Variants in CHD6 observed in about 807,000 individuals in gnomAD.
CHD6 encodes the protein ATP-dependent chromatin remodeler CHD6.
CHD6 carries 50 observed loss-of-function variants against 276.9 expected under a neutral mutation model. The ratio of observed to expected loss-of-function variants is 0.18; its 90% CI spans 0.14 to 0.23. The LOEUF (loss-of-function observed/expected upper bound fraction) is 0.23. Ranked by LOEUF, CHD6 falls within the 10% of genes least tolerant of loss-of-function variation. The pLI is 1.00. For synonymous variants in CHD6, 1,173 were observed against 1,229.3 expected, an observed-to-expected ratio of 0.95 and a Z score of 0.96; for missense variants, 2,564 against 3,365.8, an observed-to-expected ratio of 0.76 and a Z score of 5.89.
Position 41,414,923 on chromosome 20 carries a change from T to C in CHD6, c.6939+263A>G, listed in dbSNP as rs1015079340. 9.1e-6 allele frequency: 12 copies of C among 1,317,660 alleles called. No individual in the cohort carries two copies. In the East Asian group the frequency reaches 1.9e-4, roughly 21 times the overall value. The allele number at this position is 1,317,660 out of a possible 1,614,324, so 81.6% of individuals were successfully genotyped here. A position where few individuals can be genotyped will look rare whatever the true frequency, so the allele number is the denominator to read the frequency against. ...GTCAACAGTGGCTCTTCTGAAACCC[T>C]GGAGGAGCGGGGTTGTTCCTATTTG... On this transcript the variant is annotated intron_variant, in intron 34 of 36. Transcript: ENST00000373233.
At chr20:41,493,758 C>G (rs186696111) in intron 9 of CHD6, 86 bp from the exon 10 acceptor site, 21 of 1,558,134 alleles carry the variant, frequency 1.3e-5, no homozygotes, top group Non-Finnish European at 1.9e-5. Flanking sequence ...AACCACCCTA[C>G]GTGACTAGAC....
At chr20:41,433,423 G>C (rs531131366) in intron 27 of CHD6, among the ~76,000 whole-genome samples, 7 of 152,226 alleles carry the variant, frequency 4.6e-5, no homozygotes, top group South Asian at 4.1e-4. Context: ...TTTCTCATCA[G>C]AAACCATGGA....
chr20:41,596,751 T>C (rs1389311267), intron 1 of CHD6, among the ~76,000 whole-genome samples: 4 of 152,166 alleles, frequency 2.6e-5, no homozygotes, highest in Admixed American at 2.6e-4. Flanking sequence ...TGAGAAAATA[T>C]GTAGGCTTAG....
chr20:41,411,257 TTTC>T (rs1048141670), intron 36 of CHD6, among the ~76,000 whole-genome samples: 3 of 151,972 alleles, frequency 2.0e-5, no homozygotes, highest in Non-Finnish European at 4.4e-5. Flanking sequence ...TGCCAAACTC[TTTC>T]TGCGAGAGGA....
At chr20:41,430,407 C>T (rs2047500419) in intron 27 of CHD6, among the ~76,000 whole-genome samples, 1 of 152,230 alleles carries the variant, frequency 6.6e-6, no homozygotes, top group Admixed American at 6.5e-5. Context: ...AATTGATTAG[C>T]TAAGCATGTC....
chr20:41,515,564 G>A (rs1024202427), intron 3 of CHD6, among the ~76,000 whole-genome samples: 7 of 152,126 alleles, frequency 4.6e-5, no homozygotes, highest in African/African-American at 1.7e-4. Context: ...TCTCTAAAAG[G>A]CCTTTCCTGG....
At chr20:41,410,558 C>T (rs1438098161) in intron 36 of CHD6, among the ~76,000 whole-genome samples, 3 of 152,168 alleles carry the variant, frequency 2.0e-5, no homozygotes, top group Non-Finnish European at 4.4e-5. Flanking sequence ...TACACGGGTG[C>T]CCCTGTTCGG....
At chr20:41,490,744 C>T (rs1408765471) in intron 11 of CHD6, among the ~76,000 whole-genome samples, 7 of 151,792 alleles carry the variant, frequency 4.6e-5, no homozygotes, top group South Asian at 2.1e-4. Context: ...ACCCAGGAGG[C>T]GGAGGTTGCA....
At chr20:41,532,927 G>C in intron 3 of CHD6, 123 bp downstream of exon 3, 1 of 1,092,146 alleles carries the variant, frequency 9.2e-7, no homozygotes. Flanking sequence ...ATACAGGTGA[G>C]ATGTGAAGCT....
intron 1 of CHD6, among the ~76,000 whole-genome samples, chr20:41,560,173 T>C (rs933943075): frequency 6.6e-6 from 1 of 152,216 alleles, no homozygotes; most frequent in Non-Finnish European, 1.5e-5. Flanking sequence ...CAGTATGTTT[T>C]CCTAAAGTGC....
At chr20:41,481,763 A>T (rs1254740208) in intron 16 of CHD6, among the ~76,000 whole-genome samples, 1 of 152,080 alleles carries the variant, frequency 6.6e-6, no homozygotes, top group Non-Finnish European at 1.5e-5. Flanking sequence ...ATGCTGAAAA[A>T]TTGGAAATGT....
chr20:41,567,058 C>A (rs2045363096), intron 1 of CHD6, among the ~76,000 whole-genome samples: 1 of 152,152 alleles, frequency 6.6e-6, no homozygotes, highest in Non-Finnish European at 1.5e-5. Flanking sequence ...GCTGGGCTTG[C>A]ACTATGGCCT....
chr20:41,413,995 G>A, intron 34 of CHD6: 1 of 152,336 alleles, frequency 6.6e-6, no homozygotes, highest in East Asian at 1.9e-4. Flanking sequence ...CTAAATAAGT[G>A]TTTGCATCAA....
At chr20:41,413,141 C>T (rs891455149) in intron 35 of CHD6, among the ~76,000 whole-genome samples, 183 bp downstream of exon 35, 1 of 152,196 alleles carries the variant, frequency 6.6e-6, no homozygotes, top group African/African-American at 2.4e-5. Flanking sequence ...ATTTCTATTA[C>T]TGAAGAATTT....
intron 2 of CHD6, among the ~76,000 whole-genome samples, chr20:41,536,285 A>AC (rs1437085584): frequency 6.6e-6 from 1 of 152,246 alleles, no homozygotes; most frequent in Non-Finnish European, 1.5e-5. Context: ...AACAGGAATG[A>AC]AATGGACAGG....
intron 19 of CHD6, among the ~76,000 whole-genome samples, chr20:41,454,997 ACCC>A (rs1035720203): frequency 3.3e-5 from 5 of 152,056 alleles, no homozygotes; most frequent in African/African-American, 4.8e-5. Flanking sequence ...AGGAAGGCAA[ACCC>A]CGGAAGACAA....
chr20:41,564,400 T>C (rs1018308650), intron 1 of CHD6, among the ~76,000 whole-genome samples: 1 of 152,210 alleles, frequency 6.6e-6, no homozygotes, highest in East Asian at 1.9e-4. Context: ...AAATGCATTA[T>C]GCTGAGTGAA....
chr20:41,426,667 C>T (rs938128975), intron 27 of CHD6, among the ~76,000 whole-genome samples: 2 of 152,136 alleles, frequency 1.3e-5, no homozygotes, highest in Admixed American at 6.5e-5. Context: ...AACCTGATGG[C>T]GCAAAACCCC....
rs184155309 is a variant in CHD6, at chr20:41,551,275, C to T, written c.33+30G>A. 7.4e-5 allele frequency: 105 copies of T among 1,416,966 alleles called. 2 individuals are homozygous for T. The Admixed American group carries it at 1.8e-3, about 24-fold the overall frequency. The allele number at this position is 1,416,966 out of a possible 1,614,324, so 87.8% of individuals were successfully genotyped here. On this transcript the variant is annotated intron_variant, in intron 2 of 36. Transcript: ENST00000373233. ...GAAAAAGCACCAAGATACCCGGATG[C>T]ATTCACTTAAAAGAAAAGTGATCAC...
Sources: allele counts gnomAD v4.1 joint callset (sites outside exome capture counted in the v4.1 genomes callset), GRCh38; gene constraint gnomAD v4.1.1; transcripts MANE v1.5; gene names NCBI Gene and HGNC (gene_info 2026-07-23, HGNC 2026-07-21).